Variants in KIF21A observed in about 807,000 individuals in gnomAD.
The protein encoded by KIF21A is kinesin family member 21A, also known as kinesin-like protein KIF21A.
KIF21A carries 114 observed loss-of-function variants against 202.9 expected under a neutral mutation model. The ratio of observed to expected loss-of-function variants is 0.56; its 90% CI spans 0.48 to 0.66. The LOEUF is 0.66. KIF21A is among the 30% of genes least tolerant of loss of function. KIF21A has a pLI of 0.00. For missense variants in KIF21A, 1,677 were observed against 1,994.9 expected, an observed-to-expected ratio of 0.84 and a Z score of 3.04; for synonymous variants, 667 against 670.8, an observed-to-expected ratio of 0.99 and a Z score of 0.09.
chr12:39,319,573 T>G (rs1438839176), intron 28 of KIF21A, among the ~76,000 whole-genome samples: 2 of 152,180 alleles, frequency 1.3e-5, no homozygotes, highest in African/African-American at 4.8e-5. Flanking sequence ...ATTCTAAATT[T>G]TTCTATTAAT....
chr12:39,432,279 A>C (rs1938032006), intron 1 of KIF21A, among the ~76,000 whole-genome samples: 1 of 152,178 alleles, frequency 6.6e-6, no homozygotes, highest in Non-Finnish European at 1.5e-5. Flanking sequence ...ATTAAATATC[A>C]ATATATCTTT....
In KIF21A at chr12:39,331,776, A is replaced by G; in HGVS notation, c.3067T>C (p.Leu1023=). 1 of 1,611,662 alleles carries G rather than the reference A, an allele frequency of 6.2e-7. No homozygotes were observed. Among genetic ancestry groups the G allele is most frequent in the Non-Finnish European group, 8.5e-7 (1 of 1,177,846 alleles). ...MEEAKEEGET[L]DVTAVINACT... is the part of the protein sequence containing the mutation. The stretch of plus-strand genomic sequence containing the variant: ...GCATTAATGACTGCAGTAACATCCA[A>G]TGTCTCACCTTCTTCCTGTATAAAA... The change falls in exon 22 of 38, where the codon TTG becomes CTG. Residue 1023 remains leucine (L), a synonymous_variant. Transcript: ENST00000361418.
chr12:39,316,808 A>T (rs1222176521), intron 29 of KIF21A, among the ~76,000 whole-genome samples: 1 of 152,176 alleles, frequency 6.6e-6, no homozygotes, highest in Non-Finnish European at 1.5e-5. Context: ...GCAGTCAGTT[A>T]TTCTACATTT....
At chr12:39,325,457 G>A (rs760813644) in intron 26 of KIF21A, among the ~76,000 whole-genome samples, 23 of 149,486 alleles carry the variant, frequency 1.5e-4, no homozygotes, top group Admixed American at 6.7e-4. Flanking sequence ...TCAGCCTCCC[G>A]AGTAGCTGGG....
intron 27 of KIF21A, 110 bp from the exon 28 acceptor site, chr12:39,320,123 GATT>G: frequency 3.0e-6 from 2 of 656,102 alleles, no homozygotes; most frequent in Admixed American, 2.6e-5. Flanking sequence ...ACCTCAGAAA[GATT>G]ATTACTTGAG....
intron 1 of KIF21A, among the ~76,000 whole-genome samples, chr12:39,380,988 T>G (rs1950573787): frequency 6.6e-6 from 1 of 152,116 alleles, no homozygotes; most frequent in Admixed American, 6.6e-5. Flanking sequence ...CATTATACTC[T>G]TCATAATAGT....
At chr12:39,305,988 A>T (rs1943437299) in intron 34 of KIF21A, among the ~76,000 whole-genome samples, 2 of 152,176 alleles carry the variant, frequency 1.3e-5, no homozygotes, top group African/African-American at 4.8e-5. Context: ...ATCAGACAAT[A>T]AGTGGTCCAT....
At chr12:39,357,000 A>G (rs1565938006) in intron 9 of KIF21A, 105 bp from the exon 10 acceptor site, 1 of 696,954 alleles carries the variant, frequency 1.4e-6, no homozygotes, top group East Asian at 2.7e-5. Flanking sequence ...TTAAAACACA[A>G]TTCTTACAGC....
intron 31 of KIF21A, chr12:39,312,076 C>T (rs1944085330): frequency 6.5e-6 from 1 of 152,752 alleles, no homozygotes; most frequent in African/African-American, 2.4e-5. Flanking sequence ...TTAAAAAGAT[C>T]AAAAACTTAA....
At chr12:39,337,957 G>T (rs1947123356) in intron 16 of KIF21A, among the ~76,000 whole-genome samples, 1 of 152,064 alleles carries the variant, frequency 6.6e-6, no homozygotes, top group Non-Finnish European at 1.5e-5. Context: ...GATAATAAAT[G>T]ACTATGCTAT....
intron 31 of KIF21A, among the ~76,000 whole-genome samples, chr12:39,313,832 A>G (rs1344020510): frequency 2.0e-5 from 3 of 151,920 alleles, no homozygotes; most frequent in Non-Finnish European, 4.4e-5. Flanking sequence ...AATGAGGTGT[A>G]GTTTTAGATG....
At chr12:39,325,373 C>T (rs930897579) in intron 26 of KIF21A, among the ~76,000 whole-genome samples, 2 of 151,488 alleles carry the variant, frequency 1.3e-5, no homozygotes, top group African/African-American at 4.9e-5. Context: ...GCTCCGTCGC[C>T]CAGGCTGGAG....
chr12:39,403,821 A>C (rs1952365026), intron 1 of KIF21A, among the ~76,000 whole-genome samples: 1 of 152,240 alleles, frequency 6.6e-6, no homozygotes, highest in Non-Finnish European at 1.5e-5. Flanking sequence ...ATCTCAGCTT[A>C]GTAGCAAAGT....
intron 11 of KIF21A, among the ~76,000 whole-genome samples, chr12:39,349,376 T>C (rs1029775614): frequency 2.0e-5 from 3 of 152,070 alleles, no homozygotes; most frequent in Non-Finnish European, 2.9e-5. Flanking sequence ...ACCTCTTGTA[T>C]GTGTAAGGTT....
intron 24 of KIF21A, among the ~76,000 whole-genome samples, chr12:39,329,743 A>G (rs1211087322): frequency 6.6e-6 from 1 of 152,168 alleles, no homozygotes; most frequent in African/African-American, 2.4e-5. Flanking sequence ...CAACCTGTTC[A>G]GGTAAAATCC....
intron 11 of KIF21A, among the ~76,000 whole-genome samples, chr12:39,347,128 A>G (rs925301733): frequency 6.6e-6 from 1 of 151,894 alleles, no homozygotes; most frequent in African/African-American, 2.4e-5. Flanking sequence ...ATATCTGTGA[A>G]AAACTGTAAT....
chr12:39,363,062 C>G (rs751860815), intron 7 of KIF21A, 36 bp downstream of exon 7: 1 of 1,274,496 alleles, frequency 7.8e-7, no homozygotes, highest in Non-Finnish European at 1.1e-6. Context: ...AATGAATAAT[C>G]AAAAGTCTGA....
intron 31 of KIF21A, 138 bp downstream of exon 31, chr12:39,315,091 G>A (rs1399789159): frequency 7.5e-6 from 6 of 796,890 alleles, no homozygotes; most frequent in African/African-American, 6.8e-5. Context: ...CAAGTTTAAG[G>A]TTAAATATGG....
intron 32 of KIF21A, 44 bp downstream of exon 32, chr12:39,311,373 A>T (rs7964092): frequency 0.014 from 20,633 of 1,471,884 alleles, 158 homozygotes; most frequent in African/African-American, 0.02. Flanking sequence ...AATTTTTTTT[A>T]AAAAAAAAGC....
Sources: gnomAD v4.1 joint callset for allele counts (sites outside exome capture counted in the v4.1 genomes callset) on GRCh38, gnomAD v4.1.1 for gene constraint, MANE v1.5 for transcripts, NCBI Gene and HGNC (gene_info 2026-07-23, HGNC 2026-07-21) for gene names.